SLC16A6: variants seen among roughly 807,000 people sequenced by gnomAD.
SLC16A6 encodes the protein solute carrier family 16 member 6, also known as monocarboxylate transporter 7.
In SLC16A6, 15 loss-of-function variants were observed where a neutral mutation model predicts 33.8. The observed-to-expected ratio is 0.44, with a 90% CI of 0.30 to 0.68. SLC16A6 has a LOEUF of 0.68. Among genes scored for constraint, SLC16A6 ranks in the 30% least tolerant of loss-of-function variants. SLC16A6 has a pLI of 0.10. For synonymous variants in SLC16A6, 219 were observed against 248.4 expected (o/e 0.88, Z 1.11); for missense variants, 451 against 661.5 (o/e 0.68, Z 3.49).
intron 1 of SLC16A6, among the ~76,000 whole-genome samples, chr17:68,288,883 G>A (rs1383634346): frequency 1.3e-5 from 2 of 152,148 alleles, no homozygotes; most frequent in African/African-American, 2.4e-5. Context: ...GGGTTGTCAG[G>A]GGAGTCTCTC....
chr17:68,271,554 G>A lies in SLC16A6; in HGVS notation c.606C>T (p.Pro202=), dbSNP rs1418282121. Residue 202 remains proline (P), a synonymous_variant, in exon 5 of 6, where the codon CCC becomes CCT. Transcript: ENST00000580666. This position sits in a 1 kb window ranked among gnomAD's most constrained non-coding sequence, Gnocchi z 5.3. ...GTGACGCTGGTCCTCTGATAAAGAT[G>A]GGTCTGAGCAGTGCTCCGAAGATGA... ...NIVIFGALLR[P]IFIRGPASPK... The A allele has an allele frequency of 1.2e-6, 2 of 1,614,078 alleles. No individual in the cohort carries two copies. The highest frequency in any genetic ancestry group is 3.3e-5 in the Admixed American group (2 of 60,008).
chr17:68,278,923 T>A (rs984806532), intron 1 of SLC16A6, among the ~76,000 whole-genome samples: 6 of 152,034 alleles, frequency 3.9e-5, no homozygotes, highest in African/African-American at 1.4e-4. Context: ...CCCAGCTGAT[T>A]GTTGAATATT....
In SLC16A6 at chr17:68,268,998, G is replaced by A; in HGVS notation, c.*98C>T. 6.5e-7 allele frequency: 1 copy of A among 1,545,386 alleles called. No individual in the cohort carries two copies. Among genetic ancestry groups the A allele is most frequent in the Non-Finnish European group, 8.7e-7 (1 of 1,147,752 alleles). On this transcript the variant is annotated 3_prime_UTR_variant, in exon 6 of 6. Coordinates refer to ENST00000580666, the MANE Select transcript of SLC16A6 (RefSeq NM_004694.5). ...CCCTTTAAAATGTAGTTTTGAAAGT[G>A]GAGTAGAGGGGTTAGCTCCTCTGCC...
chr17:68,278,885 G>A (rs782323439), intron 1 of SLC16A6, among the ~76,000 whole-genome samples: 4 of 152,132 alleles, frequency 2.6e-5, no homozygotes, highest in Admixed American at 1.3e-4. Flanking sequence ...CTCCCAAAAT[G>A]CTGGGATTAT....
At position 68,269,095 on chromosome 17, in the gene SLC16A6, G is replaced by T. The variant is rs782170225; in HGVS notation, c.*1C>A. ...AGTGGCTGTTGTTGTAAGAAAGTGT[G>T]TCATACCGGCTCCATTTGCACGTGA... On this transcript the variant is annotated 3_prime_UTR_variant, in exon 6 of 6. Coordinates refer to ENST00000580666, the MANE Select transcript of SLC16A6 (RefSeq NM_004694.5). The T allele has an allele frequency of 2.0e-6, 3 of 1,526,682 alleles. No homozygotes were observed. Among genetic ancestry groups the T allele is most frequent in the Non-Finnish European group, 2.6e-6 (3 of 1,143,988 alleles). The allele number at this position is 1,526,682 out of a possible 1,614,324, so 94.6% of individuals were successfully genotyped here. A position where few individuals can be genotyped will look rare whatever the true frequency, so the allele number is the denominator to read the frequency against.
intron 2 of SLC16A6, among the ~76,000 whole-genome samples, chr17:68,275,703 TG>T (rs1170978455): frequency 6.6e-6 from 1 of 152,140 alleles, no homozygotes; most frequent in African/African-American, 2.4e-5. Context: ...TTATCTTGGC[TG>T]GGTGCGGTGG....
chr17:68,286,107 G>A (rs546894696), intron 1 of SLC16A6, among the ~76,000 whole-genome samples: 2 of 152,284 alleles, frequency 1.3e-5, no homozygotes, highest in South Asian at 4.1e-4. Context: ...GGACCGGGCT[G>A]TGGGTTGCAT....
chr17:68,282,091 G>A (rs903521398), intron 1 of SLC16A6, among the ~76,000 whole-genome samples: 13 of 152,110 alleles, frequency 8.5e-5, no homozygotes, highest in Admixed American at 7.9e-4. Flanking sequence ...GCAAAGACTT[G>A]GAACCAATCC....
chr17:68,272,538 A>G, intron 4 of SLC16A6, 101 bp downstream of exon 4: 1 of 1,363,502 alleles, frequency 7.3e-7, no homozygotes, highest in Non-Finnish European at 1.0e-6. Flanking sequence ...TTACACATAC[A>G]CTGAAAGTCA....
intron 2 of SLC16A6, among the ~76,000 whole-genome samples, chr17:68,275,915 G>A (rs59943304): frequency 1.2e-4 from 18 of 151,368 alleles, no homozygotes; most frequent in Non-Finnish European, 1.5e-4. Context: ...CCTGGGAGGC[G>A]GAGGTTGCAG....
intron 1 of SLC16A6, among the ~76,000 whole-genome samples, chr17:68,286,959 A>T (rs1050123982): frequency 2.0e-5 from 3 of 152,200 alleles, no homozygotes; most frequent in Non-Finnish European, 4.4e-5. Flanking sequence ...CTATTCTATG[A>T]CAGCTGTTTA....
chr17:68,279,684 A>AGATATT (rs1234398766), intron 1 of SLC16A6, among the ~76,000 whole-genome samples: 1 of 152,188 alleles, frequency 6.6e-6, no homozygotes, highest in Admixed American at 6.6e-5. Context: ...ACTTCTAAGG[A>AGATATT]GACATTGACA....
chr17:68,284,998 C>T (rs73351335), intron 1 of SLC16A6, among the ~76,000 whole-genome samples: 28,642 of 152,158 alleles, frequency 0.19, 2,751 homozygotes, highest in Middle Eastern at 0.27. Context: ...CTATCAGGTG[C>T]CAGGTCCTCG....
Position 68,268,864 on chromosome 17 carries a change from G to C in SLC16A6, c.*232C>G. 1.5e-6 allele frequency: 1 copy of C among 679,164 alleles called. No homozygotes were observed. Among genetic ancestry groups the C allele is most frequent in the Non-Finnish European group, 2.4e-6 (1 of 424,618 alleles). 42.1% of individuals were successfully genotyped at this position (679,164 alleles called of 1,614,324 possible). ...TACAGCCAGATTTATATATGGAAGAGTGCTTGGTTGTTTTTTGTTTTGGCT... is the reference window on the plus strand; with the variant it reads ...TACAGCCAGATTTATATATGGAAGACTGCTTGGTTGTTTTTTGTTTTGGCT... On this transcript the variant is annotated 3_prime_UTR_variant, in exon 6 of 6. Transcript: ENST00000580666.
intron 2 of SLC16A6, among the ~76,000 whole-genome samples, chr17:68,274,941 C>T (rs1201767001): frequency 2.6e-5 from 4 of 152,040 alleles, no homozygotes; most frequent in East Asian, 3.9e-4. Flanking sequence ...CCACCATGCC[C>T]GGCTGATTGT....
At chr17:68,278,986 G>A (rs1337615496) in intron 1 of SLC16A6, among the ~76,000 whole-genome samples, 2 of 152,080 alleles carry the variant, frequency 1.3e-5, no homozygotes, top group African/African-American at 2.4e-5. Flanking sequence ...GCATATATAT[G>A]TATATACAAA....
chr17:68,288,411 G>A (rs2075893323), intron 1 of SLC16A6, among the ~76,000 whole-genome samples: 1 of 152,162 alleles, frequency 6.6e-6, no homozygotes, highest in African/African-American at 2.4e-5. Flanking sequence ...GCCTCTGTAA[G>A]TTCCAGAATA....
At chr17:68,283,287 G>A (rs1568416581) in intron 1 of SLC16A6, among the ~76,000 whole-genome samples, 1 of 151,488 alleles carries the variant, frequency 6.6e-6, no homozygotes. Context: ...TTGGGAGGCC[G>A]AGGCAGGCGA....
chr17:68,281,469 C>T (rs782787600), intron 1 of SLC16A6, among the ~76,000 whole-genome samples: 3 of 151,278 alleles, frequency 2.0e-5, no homozygotes, highest in Non-Finnish European at 2.9e-5. Flanking sequence ...CAGCTACTCG[C>T]GAGGCTGAGG....
Sources: gnomAD v4.1 joint callset for allele counts (sites outside exome capture counted in the v4.1 genomes callset) on GRCh38, gnomAD v4.1.1 for gene constraint, Gnocchi (gnomAD v3.1) non-coding constraint, MANE v1.5 for transcripts, NCBI Gene and HGNC (gene_info 2026-07-23, HGNC 2026-07-21) for gene names.